Variants in OR2T10 observed in about 807,000 individuals in gnomAD.
OR2T10 encodes the protein olfactory receptor family 2 subfamily T member 10, also known as olfactory receptor 2T10.
For missense variants in OR2T10, 335 were observed against 382.5 expected (o/e 0.88, Z 1.04); for synonymous variants, 125 against 141.8 (o/e 0.88, Z 0.84).
intron 1 of OR2T10, among the ~76,000 whole-genome samples, chr1:248,595,424 AT>A (rs1660076677): frequency 7.0e-6 from 1 of 143,476 alleles, no homozygotes; most frequent in Non-Finnish European, 1.5e-5. Context: ...AATAAGAATT[AT>A]TGCAATTGGT....
Position 248,591,330 on chromosome 1 carries a change from C to T in OR2T10, c.*1500G>A. 1 of 143,836 alleles carries T rather than the reference C, an allele frequency of 7.0e-6. No individual in the cohort carries two copies. Among genetic ancestry groups the T allele is most frequent in the East Asian group, 2.0e-4 (1 of 5,014 alleles). The allele number at this position is 143,836 out of a possible 1,614,324, so 8.9% of individuals were successfully genotyped here. ...TTCCAACACTTTTCTTCTGATAATA[C>T]TCCATGTCTTCTTCTCAATTACCAA... On this transcript the variant is annotated 3_prime_UTR_variant, in exon 2 of 2. Coordinates refer to ENST00000642090, the MANE Select transcript of OR2T10 (RefSeq NM_001004693.2).
At position 248,593,984 on chromosome 1, in the gene OR2T10, A is replaced by T; in HGVS notation, c.-28-188T>A. 1.4e-5 allele frequency among the ~76,000 whole-genome samples: 2 copies of T among 143,100 alleles called. 1 individual carries two copies. The highest frequency in any genetic ancestry group is 3.0e-5 in the Non-Finnish European group (2 of 66,204). The allele number at this position is 143,100 out of a possible 152,430, so 93.9% of individuals were successfully genotyped here. A position where few individuals can be genotyped will look rare whatever the true frequency, so the allele number is the denominator to read the frequency against. On this transcript the variant is annotated intron_variant, in intron 1 of 1. Transcript: ENST00000642090. ...GATTCCCCATCTAGAATGGGAATGA[A>T]ATATTTATATTCTCAATGAAGAGGT...
At chr1:248,597,175 T>C (rs1359580950) in intron 1 of OR2T10, among the ~76,000 whole-genome samples, 1 of 142,928 alleles carries the variant, frequency 7.0e-6, no homozygotes, top group Non-Finnish European at 1.5e-5. Context: ...AACTTTTGAG[T>C]ATCTTTTTTT....
rs1197701581 is a variant in OR2T10 at position 248,591,845 on chromosome 1, C to T, written c.*985G>A. 3 of 143,990 alleles carry T rather than the reference C, an allele frequency of 2.1e-5. No homozygotes were observed. The highest frequency in any genetic ancestry group is 4.5e-5 in the Non-Finnish European group (3 of 66,384). 8.9% of individuals were successfully genotyped at this position (143,990 alleles called of 1,614,324 possible). Reference sequence around the variant, plus strand: ...CAGTTAAATCAACTGTAGAATAAGGCTAATAATAGGCTGTGAAAATAAAAG... The same window carrying T: ...CAGTTAAATCAACTGTAGAATAAGGTTAATAATAGGCTGTGAAAATAAAAG... On this transcript the variant is annotated 3_prime_UTR_variant, in exon 2 of 2. Coordinates refer to ENST00000642090, the MANE Select transcript of OR2T10 (RefSeq NM_001004693.2).
rs1660043888 is a variant in OR2T10 at position 248,593,350 on chromosome 1, A to G, written c.419T>C (p.Val140Ala). Reference protein sequence around the residue: ...LRYSVLMSHRVCLLLASGCWF... With the variant: ...LRYSVLMSHRACLLLASGCWF... ...GCAGCCTGATGCCAGGAGGAGACAT[A>G]CCCTATGGCTCATGAGCACAGAGTA... The change falls in exon 2 of 2, where the codon GTA (valine) becomes GCA (alanine). Residue 140 changes from valine (V) to alanine (A), a missense_variant. By Grantham distance (64) the Val-to-Ala change is moderately conservative. Transcript: ENST00000642090. 6.4e-7 allele frequency: 1 copy of G among 1,573,046 alleles called. No individual in the cohort carries two copies. The highest frequency in any genetic ancestry group is 8.6e-7 in the Non-Finnish European group (1 of 1,157,048).
chr1:248,591,031 AATTT>A lies in OR2T10; in HGVS notation c.*1795_*1798del, dbSNP rs1659988730. On this transcript the variant is annotated 3_prime_UTR_variant, in exon 2 of 2. Transcript: ENST00000642090. The stretch of plus-strand genomic sequence containing the variant: ...TTTATCCACTTTTGTTTGTTGGAAA[AATTT>A]ATTTTACTATCATTTTTTATAATTG... 2 of 142,990 alleles carry A rather than the reference AATTT, an allele frequency of 1.4e-5. No individual in the cohort carries two copies. Among genetic ancestry groups the A allele is most frequent in the African/African-American group, 2.8e-5 (1 of 36,264 alleles). The allele number at this position is 142,990 out of a possible 1,614,324, so 8.9% of individuals were successfully genotyped here. A position where few individuals can be genotyped will look rare whatever the true frequency, so the allele number is the denominator to read the frequency against.
chr1:248,591,934 ATTATTATG>A lies in OR2T10; in HGVS notation c.*888_*895del, dbSNP rs892342360. ...CATAATAATCACACAAGACGTTATA[ATTATTATG>A]TTATTTGTTAAATACAAATACAACC... On this transcript the variant is annotated 3_prime_UTR_variant, in exon 2 of 2. Coordinates refer to ENST00000642090, the MANE Select transcript of OR2T10 (RefSeq NM_001004693.2). The A allele has an allele frequency of 1.9e-4, 4 of 21,534 alleles. 1 individual carries two copies. In the Admixed American group the frequency reaches 3.4e-3, roughly 18 times the overall value. The allele number at this position is 21,534 out of a possible 1,614,324, so 1.3% of individuals were successfully genotyped here.
At position 248,593,517 on chromosome 1, in the gene OR2T10, G is replaced by A; in HGVS notation, c.252C>T (p.Asn84=). 6.4e-7 allele frequency: 1 copy of A among 1,572,194 alleles called. No homozygotes were observed. The highest frequency in any genetic ancestry group is 1.7e-5 in the Admixed American group (1 of 58,342). The change falls in exon 2 of 2, where the codon AAC becomes AAT. Residue 84 remains asparagine (N), a synonymous_variant. Coordinates refer to ENST00000642090, the MANE Select transcript of OR2T10 (RefSeq NM_001004693.2). Reference sequence around the variant, plus strand: ...AGATGGTCTTGTCTTTGGCCAGCTGGTTCACCAGCATTTTGGGGACAGTGA... The same window carrying A: ...AGATGGTCTTGTCTTTGGCCAGCTGATTCACCAGCATTTTGGGGACAGTGA... ...ISVTVPKMLV[N]QLAKDKTISV... is the part of the protein sequence containing the mutation.
chr1:248,592,801 G>A lies in OR2T10; in HGVS notation c.*29C>T. The A allele has an allele frequency of 7.7e-7, 1 of 1,290,650 alleles. No homozygotes were observed. The highest frequency in any genetic ancestry group is 1.1e-6 in the Non-Finnish European group (1 of 927,234). 79.9% of individuals were successfully genotyped at this position (1,290,650 alleles called of 1,614,324 possible). A position where few individuals can be genotyped will look rare whatever the true frequency, so the allele number is the denominator to read the frequency against. ...CTAAAGTGAAGAGAGACTCTAAGAA[G>A]AGAGGACCAACTTAAGTTCTTTCAC... On this transcript the variant is annotated 3_prime_UTR_variant, in exon 2 of 2. Coordinates refer to ENST00000642090, the MANE Select transcript of OR2T10 (RefSeq NM_001004693.2).
intron 1 of OR2T10, chr1:248,594,808 C>T (rs1332498126): frequency 1.4e-5 from 2 of 143,648 alleles, no homozygotes; most frequent in African/African-American, 2.7e-5. Flanking sequence ...AAGTTTGCCT[C>T]AATTTATACT....
rs1347272129 is a variant in OR2T10 at position 248,593,343 on chromosome 1, G to A, written c.426C>T (p.Leu142=). The A allele has an allele frequency of 3.8e-6, 6 of 1,573,276 alleles. No individual in the cohort carries two copies. Among genetic ancestry groups the A allele is most frequent in the Non-Finnish European group, 5.2e-6 (6 of 1,157,126 alleles). ...CAAACCAGCAGCCTGATGCCAGGAG[G>A]AGACATACCCTATGGCTCATGAGCA... ...YSVLMSHRVC[L]LLASGCWFVG... The change falls in exon 2 of 2, where the codon CTC becomes CTT. Residue 142 remains leucine (L), a synonymous_variant. Transcript: ENST00000642090.
rs1189211992 is a variant in OR2T10 at position 248,597,161 on chromosome 1, C to G, written c.-29+331G>C. ...TTTTCCGAGGTACGTTGCAAGTCAC[C>G]TAAAACTTTTGAGTATCTTTTTTTT... On this transcript the variant is annotated intron_variant, in intron 1 of 1. Coordinates refer to ENST00000642090, the MANE Select transcript of OR2T10 (RefSeq NM_001004693.2). Among the ~76,000 whole-genome samples, 3 of 142,976 alleles carry G rather than the reference C, an allele frequency of 2.1e-5. 1 individual carries two copies. The highest frequency in any genetic ancestry group is 8.3e-5 in the African/African-American group (3 of 36,322). 93.8% of individuals were successfully genotyped at this position (142,976 alleles called of 152,430 possible).
chr1:248,593,794 T>C lies in OR2T10; in HGVS notation c.-26A>G. The stretch of plus-strand genomic sequence containing the variant: ...GCTGTATGATCGGCTGAAGTGGCTT[T>C]ACCTGGAGGACAAAAGTAAACTTTA... On this transcript the variant is annotated splice_region_variant and 5_prime_UTR_variant, in exon 2 of 2. Transcript: ENST00000642090. 2 of 1,276,636 alleles carry C rather than the reference T, an allele frequency of 1.6e-6. 1 individual carries two copies. The highest frequency in any genetic ancestry group is 4.8e-5 in the East Asian group (2 of 41,972). The allele number at this position is 1,276,636 out of a possible 1,614,324, so 79.1% of individuals were successfully genotyped here.
intron 1 of OR2T10, among the ~76,000 whole-genome samples, chr1:248,594,652 A>T (rs1457938218): frequency 7.0e-6 from 1 of 143,360 alleles, no homozygotes; most frequent in Non-Finnish European, 1.5e-5. Flanking sequence ...CAATCAGTTT[A>T]TTCTGAGGTG....
rs1359682032 is a variant in OR2T10, at chr1:248,591,123, T to C, written c.*1707A>G. 4.9e-5 allele frequency: 7 copies of C among 143,490 alleles called. 2 individuals carry two copies. The highest frequency in any genetic ancestry group is 1.9e-4 in the African/African-American group (7 of 36,438). 8.9% of individuals were successfully genotyped at this position (143,490 alleles called of 1,614,324 possible). On this transcript the variant is annotated 3_prime_UTR_variant, in exon 2 of 2. Coordinates refer to ENST00000642090, the MANE Select transcript of OR2T10 (RefSeq NM_001004693.2). ...CTGAGACATGGTCCTACTGGACTCT[T>C]GATTGACAGGCTGGTAGATGTCCCT...
chr1:248,597,256 AGATAT>A (rs1660105670), intron 1 of OR2T10, among the ~76,000 whole-genome samples: 1 of 142,630 alleles, frequency 7.0e-6, no homozygotes, highest in Non-Finnish European at 1.5e-5. Flanking sequence ...AGAGAGTTTC[AGATAT>A]AATATGCACA....
intron 1 of OR2T10, among the ~76,000 whole-genome samples, chr1:248,596,968 A>G (rs1334148957): frequency 2.8e-5 from 4 of 143,164 alleles, no homozygotes; most frequent in African/African-American, 5.5e-5. Flanking sequence ...GGAGGAAAGG[A>G]AGGGAGGGAG....
intron 1 of OR2T10, among the ~76,000 whole-genome samples, chr1:248,594,542 G>C (rs1182275138): frequency 7.0e-6 from 1 of 142,486 alleles, no homozygotes; most frequent in Non-Finnish European, 1.5e-5. Context: ...TTTCCATCAA[G>C]ATGTTCTAAT....
In OR2T10 at chr1:248,593,421, G is replaced by C; in HGVS notation, c.348C>G (p.Ala116=). 9.5e-6 allele frequency: 15 copies of C among 1,571,592 alleles called. 1 individual carries two copies. Among genetic ancestry groups the C allele is most frequent in the Non-Finnish European group, 1.3e-5 (15 of 1,155,998 alleles). ...QLGGAECCLL[A]AMAYDRYVAI... is the part of the protein sequence containing the mutation. The stretch of plus-strand genomic sequence containing the variant: ...CCACATAGCGGTCATAGGCCATGGC[G>C]GCTAGAAGGCAGCACTCTGCACCTC... Residue 116 remains alanine, a synonymous_variant, in exon 2 of 2, where the codon GCC becomes GCG. Transcript: ENST00000642090.
Sources: allele counts gnomAD v4.1 joint callset (sites outside exome capture counted in the v4.1 genomes callset), GRCh38; gene constraint gnomAD v4.1.1; transcripts MANE v1.5; gene names NCBI Gene and HGNC (gene_info 2026-07-23, HGNC 2026-07-21).